PTPRG: variants seen among roughly 807,000 people sequenced by gnomAD.
The protein encoded by PTPRG is protein tyrosine phosphatase receptor type G.
In PTPRG, 102 loss-of-function variants were observed where a neutral mutation model predicts 165.3. The ratio of observed to expected loss-of-function variants is 0.62; its 90% CI spans 0.53 to 0.73. PTPRG has a LOEUF of 0.73. PTPRG is among the 30% of genes least tolerant of loss of function. The probability of loss-of-function intolerance (pLI) is 0.00; values close to 1 mark genes in which losing one functional copy is unlikely to be tolerated. For missense variants in PTPRG, 1,866 were observed against 1,861.4 expected (o/e 1.00, Z -0.05); for synonymous variants, 675 against 669.5 (o/e 1.01, Z -0.13).
chr3:61,696,976 A>G (rs2030640365), intron 1 of PTPRG, among the ~76,000 whole-genome samples: 1 of 152,146 alleles, frequency 6.6e-6, no homozygotes, highest in East Asian at 1.9e-4. Context: ...TCCTGGAGTT[A>G]GTTATTGGGA....
At chr3:62,075,780 T>C (rs1171840072) in intron 4 of PTPRG, among the ~76,000 whole-genome samples, 1 of 152,192 alleles carries the variant, frequency 6.6e-6, no homozygotes, top group Non-Finnish European at 1.5e-5. Flanking sequence ...TCTAAATCTC[T>C]CTGGGGTGTG....
chr3:61,638,929 T>G (rs1209403381), intron 1 of PTPRG, among the ~76,000 whole-genome samples: 1 of 152,170 alleles, frequency 6.6e-6, no homozygotes, highest in African/African-American at 2.4e-5. Flanking sequence ...TAGGTCCAGT[T>G]GTCTGTATTT....
intron 4 of PTPRG, among the ~76,000 whole-genome samples, chr3:62,029,447 G>A (rs889743875): frequency 1.3e-5 from 2 of 152,090 alleles, no homozygotes; most frequent in South Asian, 2.1e-4. Flanking sequence ...CATTCCTAGC[G>A]CACCCTTAAA....
At chr3:62,279,424 T>C (rs920473793) in intron 26 of PTPRG, among the ~76,000 whole-genome samples, 1 of 152,114 alleles carries the variant, frequency 6.6e-6, no homozygotes, top group African/African-American at 2.4e-5. Flanking sequence ...GTTAATTTAC[T>C]ATTCATGTTA....
chr3:62,116,077 G>A (rs1702856437), intron 5 of PTPRG, among the ~76,000 whole-genome samples: 1 of 152,270 alleles, frequency 6.6e-6, no homozygotes, highest in Admixed American at 6.5e-5. Flanking sequence ...TGTTGTCAGA[G>A]TTTGGGGAAT....
intron 1 of PTPRG, among the ~76,000 whole-genome samples, chr3:61,650,799 G>A (rs1410015369): frequency 6.6e-6 from 1 of 152,164 alleles, no homozygotes; most frequent in Non-Finnish European, 1.5e-5. Flanking sequence ...TTTGCAAAAT[G>A]AGTTTTTTGG....
At chr3:61,798,888 T>C (rs1328749819) in intron 2 of PTPRG, among the ~76,000 whole-genome samples, 3 of 152,108 alleles carry the variant, frequency 2.0e-5, no homozygotes, top group African/African-American at 7.2e-5. Context: ...GGCCTCCTGT[T>C]GATGGGGTAG....
chr3:62,167,750 T>C (rs1217057533), intron 7 of PTPRG, among the ~76,000 whole-genome samples: 1 of 152,094 alleles, frequency 6.6e-6, no homozygotes, highest in East Asian at 1.9e-4. Context: ...TTTTGCTGGT[T>C]AGTTGGCAGG....
At chr3:61,654,423 C>G (rs1055213214) in intron 1 of PTPRG, among the ~76,000 whole-genome samples, 1 of 151,980 alleles carries the variant, frequency 6.6e-6, no homozygotes, top group African/African-American at 2.4e-5. Flanking sequence ...CTCACTCTGT[C>G]CCCCAGGCCA....
intron 4 of PTPRG, among the ~76,000 whole-genome samples, 198 bp from the exon 5 acceptor site, chr3:62,077,965 T>A (rs1288371606): frequency 7.0e-6 from 1 of 142,516 alleles, no homozygotes; most frequent in Non-Finnish European, 1.5e-5. Flanking sequence ...GTCACTGCAG[T>A]CCAGCGTGGG....
At chr3:61,937,065 G>A (rs142177308) in intron 2 of PTPRG, among the ~76,000 whole-genome samples, 3 of 152,258 alleles carry the variant, frequency 2.0e-5, no homozygotes, top group African/African-American at 4.8e-5. Context: ...AATGGGAATC[G>A]TCTTCTCTAA....
intron 4 of PTPRG, among the ~76,000 whole-genome samples, chr3:62,042,019 G>T (rs1301127120): frequency 2.0e-5 from 3 of 152,122 alleles, no homozygotes; most frequent in Admixed American, 6.5e-5. Context: ...GTTTACCCAG[G>T]ATTATACCCA....
chr3:61,692,568 G>C (rs1179761906), intron 1 of PTPRG, among the ~76,000 whole-genome samples: 2 of 152,154 alleles, frequency 1.3e-5, no homozygotes, highest in Admixed American at 6.6e-5. Flanking sequence ...AGTCCGAAAA[G>C]AGAGTCAGCG....
At chr3:61,671,034 T>G (rs2107066800) in intron 1 of PTPRG, among the ~76,000 whole-genome samples, 1 of 151,938 alleles carries the variant, frequency 6.6e-6, no homozygotes, top group East Asian at 1.9e-4. Flanking sequence ...ATTTCCAAGC[T>G]GTCACAGAGT....
chr3:61,814,414 A>G (rs2035694833), intron 2 of PTPRG, among the ~76,000 whole-genome samples: 1 of 152,184 alleles, frequency 6.6e-6, no homozygotes, highest in African/African-American at 2.4e-5. Flanking sequence ...GTTTTTTATC[A>G]GAGAGTAAAT....
At chr3:62,114,089 A>G (rs369612253) in intron 5 of PTPRG, among the ~76,000 whole-genome samples, 4 of 152,214 alleles carry the variant, frequency 2.6e-5, no homozygotes, top group African/African-American at 9.6e-5. Context: ...ACCTGAGGTC[A>G]GGAGTTCGAG....
intron 27 of PTPRG, 90 bp downstream of exon 27, chr3:62,281,799 G>T (rs904837244): frequency 1.0e-5 from 13 of 1,264,462 alleles, no homozygotes; most frequent in Non-Finnish European, 1.3e-5. Flanking sequence ...CCACCCTCAA[G>T]CCAGGCTCAG....
intron 1 of PTPRG, among the ~76,000 whole-genome samples, chr3:61,591,131 G>A (rs1318546663): frequency 6.6e-6 from 1 of 152,166 alleles, no homozygotes; most frequent in Admixed American, 6.5e-5. Flanking sequence ...TCCTGCTGAT[G>A]GCCATTAAGG....
chr3:62,181,411 C>CT (rs200690359), intron 8 of PTPRG, among the ~76,000 whole-genome samples: 9,583 of 151,700 alleles, frequency 0.063, 310 homozygotes, highest in Middle Eastern at 0.097. Context: ...TTTGTACACA[C>CT]TTTTTTTTTC....
Sources: gnomAD v4.1 joint callset for allele counts (sites outside exome capture counted in the v4.1 genomes callset) on GRCh38, gnomAD v4.1.1 for gene constraint, MANE v1.5 for transcripts, NCBI Gene and HGNC (gene_info 2026-07-23, HGNC 2026-07-21) for gene names.